SDF4: variants seen among roughly 807,000 people sequenced by gnomAD.
The protein encoded by SDF4 is 45 kDa calcium-binding protein.
A neutral mutation model predicts 34.2 loss-of-function variants in SDF4; 22 were observed. The ratio of observed to expected loss-of-function variants is 0.64; its 90% CI spans 0.46 to 0.92. The LOEUF (loss-of-function observed/expected upper bound fraction) is 0.92. Ranked by LOEUF, SDF4 falls within the 40% of genes least tolerant of loss-of-function variation. The pLI, the probability that SDF4 is intolerant of heterozygous loss-of-function variation, is 0.00. For missense variants in SDF4, 447 were observed against 499.9 expected (o/e 0.89, Z 1.01); for synonymous variants, 236 against 203.1 (o/e 1.16, Z -1.38).
intron 3 of SDF4, 38 bp from the exon 4 acceptor site, chr1:1,223,395 C>A: frequency 7.3e-7 from 1 of 1,368,910 alleles, no homozygotes; most frequent in Non-Finnish European, 1.0e-6. Flanking sequence ...GCCTCTGATA[C>A]TGAGCTGAAC....
chr1:1,218,596 G>T lies in SDF4; in HGVS notation c.753C>A (p.Phe251Leu). ...DGDKQLSVPE[F>L]ISLPVGTVEN... ...CCACGGTGCCCACGGGCAGGGAGAT[G>T]AACTCGGGCACAGAGAGCTGCTTGT... Residue 251 changes from phenylalanine (F) to leucine (L), a missense_variant, in exon 6 of 7, where the codon TTC (phenylalanine) becomes TTA (leucine). Phe to Leu is a conservative substitution (Grantham distance 22). Transcript: ENST00000360001. This position sits in a 1 kb window ranked among gnomAD's most constrained non-coding sequence, Gnocchi z 7.9. 1 of 1,614,068 alleles carries T rather than the reference G, an allele frequency of 6.2e-7. No individual in the cohort carries two copies. Among genetic ancestry groups the T allele is most frequent in the Non-Finnish European group, 8.5e-7 (1 of 1,179,956 alleles).
At chr1:1,223,010 C>T (rs532603886) in intron 4 of SDF4, among the ~76,000 whole-genome samples, 7 of 152,218 alleles carry the variant, frequency 4.6e-5, no homozygotes, top group South Asian at 2.1e-4. Flanking sequence ...ACACACGACA[C>T]GCATACACAT....
At chr1:1,224,857 GA>G (rs1335429509) in intron 2 of SDF4, among the ~76,000 whole-genome samples, 2 of 152,224 alleles carry the variant, frequency 1.3e-5, no homozygotes, top group Non-Finnish European at 2.9e-5. Flanking sequence ...AGGTTGCAGT[GA>G]ACTGTGATCA....
At chr1:1,231,312 G>A (rs1030643470) in intron 1 of SDF4, among the ~76,000 whole-genome samples, 8 of 152,258 alleles carry the variant, frequency 5.3e-5, no homozygotes, top group Admixed American at 5.2e-4. Flanking sequence ...CAAAACGGAC[G>A]TGGGAAACAG....
Position 1,218,039 on chromosome 1 carries a change from C to T in SDF4, c.892-351G>A, listed in dbSNP as rs992422901. On this transcript the variant is annotated intron_variant, in intron 6 of 6. Transcript: ENST00000360001. This position sits in a 1 kb window ranked among gnomAD's most constrained non-coding sequence, Gnocchi z 7.9. ...CACTCAGCAGTGGGAGAAAAACAAG[C>T]CTACACATGATACCAGTGAAAACGC... 6.6e-6 allele frequency among the ~76,000 whole-genome samples: 1 copy of T among 152,218 alleles called. No homozygotes were observed. Among genetic ancestry groups the T allele is most frequent in the South Asian group, 2.1e-4 (1 of 4,832 alleles).
intron 4 of SDF4, chr1:1,220,369 C>T: frequency 8.8e-7 from 1 of 1,139,032 alleles, no homozygotes; most frequent in Non-Finnish European, 1.1e-6. Context: ...AGAATCAGGT[C>T]TGAGGCGCGA....
chr1:1,223,034 C>T, intron 4 of SDF4: 2 of 585,110 alleles, frequency 3.4e-6, no homozygotes, highest in Non-Finnish European at 6.1e-6. Context: ...CTCACGAGCA[C>T]ACACACAGCA....
At chr1:1,228,012 G>A (rs1028050128) in intron 2 of SDF4, among the ~76,000 whole-genome samples, 9 of 152,224 alleles carry the variant, frequency 5.9e-5, no homozygotes, top group Non-Finnish European at 1.3e-4. Flanking sequence ...CAAACACACA[G>A]GGTAGAGGGC....
chr1:1,230,403 AG>A (rs1013530918), intron 1 of SDF4, among the ~76,000 whole-genome samples: 8 of 151,780 alleles, frequency 5.3e-5, no homozygotes, highest in Non-Finnish European at 8.8e-5. Context: ...ACAAACCAAG[AG>A]GGGTACAAGC....
intron 4 of SDF4, chr1:1,220,336 G>C: frequency 9.0e-7 from 1 of 1,106,894 alleles, no homozygotes; most frequent in Non-Finnish European, 1.1e-6. Context: ...ATGCCCGCCT[G>C]CCACGCCTTC....
At chr1:1,221,512 G>A (rs771934060) in intron 4 of SDF4, among the ~76,000 whole-genome samples, 2 of 152,092 alleles carry the variant, frequency 1.3e-5, no homozygotes, top group South Asian at 2.1e-4. Context: ...TGGCAGGAAC[G>A]TATCTTACAC....
chr1:1,227,294 C>T (rs969057744), intron 2 of SDF4: 1 of 152,760 alleles, frequency 6.5e-6, no homozygotes, highest in African/African-American at 2.4e-5. Flanking sequence ...CCAGGCCCGG[C>T]GGGAAGGCGA....
chr1:1,218,754 T>C lies in SDF4; in HGVS notation c.715+15A>G. 1 of 1,612,520 alleles carries C rather than the reference T, an allele frequency of 6.2e-7. No individual in the cohort carries two copies. The highest frequency in any genetic ancestry group is 2.2e-5 in the East Asian group (1 of 44,852). On this transcript the variant is annotated intron_variant, in intron 5 of 6. Coordinates refer to ENST00000360001, the MANE Select transcript of SDF4 (RefSeq NM_016176.6). This position sits in a 1 kb window ranked among gnomAD's most constrained non-coding sequence, Gnocchi z 7.9. ...CTGGGTCCTGGCGTGCCGGCCAGGC[T>C]GGACCCAGCCTCACCCAGGTCCCGG...
chr1:1,223,495 C>T, intron 3 of SDF4, 138 bp from the exon 4 acceptor site: 2 of 690,308 alleles, frequency 2.9e-6, no homozygotes, highest in Non-Finnish European at 4.8e-6. Flanking sequence ...CCCCGGCCAG[C>T]ACCCCACACC....
At chr1:1,222,875 G>A (rs756236501) in intron 4 of SDF4, among the ~76,000 whole-genome samples, 5 of 152,234 alleles carry the variant, frequency 3.3e-5, no homozygotes, top group South Asian at 2.1e-4. Flanking sequence ...GTGTGAGGGC[G>A]CACTCACCTG....
chr1:1,231,613 T>C (rs1026826874), intron 1 of SDF4, among the ~76,000 whole-genome samples: 15 of 152,216 alleles, frequency 9.9e-5, no homozygotes, highest in East Asian at 5.8e-4. Flanking sequence ...ACCAGACCCC[T>C]TGGGCCTCCG....
At chr1:1,229,013 G>A in intron 1 of SDF4, 67 bp from the exon 2 acceptor site, 2 of 571,336 alleles carry the variant, frequency 3.5e-6, no homozygotes, top group Admixed American at 3.1e-5. Context: ...CGTCTATCCT[G>A]CAACATGAAA....
intron 4 of SDF4, chr1:1,220,177 C>T (rs1469355953): frequency 2.0e-6 from 2 of 991,062 alleles, no homozygotes; most frequent in African/African-American, 1.7e-5. Context: ...AGCCTTGAGT[C>T]CCAGTCCCTC....
rs370192653 is a variant in SDF4 at position 1,219,421 on chromosome 1, C to T, written c.557-494G>A. The stretch of plus-strand genomic sequence containing the variant: ...GCCTGGGCCCCACCCCCCACACCCG[C>T]GCCTGCCCCTCTGGAGGAGCGGAAT... On this transcript the variant is annotated intron_variant, in intron 4 of 6. Coordinates refer to ENST00000360001, the MANE Select transcript of SDF4 (RefSeq NM_016176.6). 5.7e-5 allele frequency: 58 copies of T among 1,013,604 alleles called. No individual in the cohort carries two copies. The East Asian group carries it at 1.6e-3, about 28-fold the overall frequency. The allele number at this position is 1,013,604 out of a possible 1,614,324, so 62.8% of individuals were successfully genotyped here.
Sources: allele counts gnomAD v4.1 joint callset (sites outside exome capture counted in the v4.1 genomes callset), GRCh38; gene constraint gnomAD v4.1.1; non-coding constraint Gnocchi (gnomAD v3.1); transcripts MANE v1.5; gene names NCBI Gene and HGNC (gene_info 2026-07-23, HGNC 2026-07-21).